Variants in VPS37A observed in about 807,000 individuals in gnomAD.
VPS37A encodes the protein vacuolar protein sorting-associated protein 37A.
In VPS37A, 30 loss-of-function variants were observed where a neutral mutation model predicts 49.8. That is an observed-to-expected ratio of 0.60 (90% CI 0.45 to 0.82). VPS37A has a LOEUF of 0.82. Among genes scored for constraint, VPS37A ranks in the 40% least tolerant of loss-of-function variants. The probability of loss-of-function intolerance (pLI) is 0.00; values close to 1 mark genes in which losing one functional copy is unlikely to be tolerated. For synonymous variants in VPS37A, 195 were observed against 160.6 expected, an observed-to-expected ratio of 1.21 and a Z score of -1.62; for missense variants, 593 against 464.4, an observed-to-expected ratio of 1.28 and a Z score of -2.55.
chr8:17,307,778 T>A, the VPS37A span, among the ~76,000 whole-genome samples: 4 of 151,080 alleles, frequency 2.6e-5, no homozygotes, highest in Non-Finnish European at 5.9e-5. Context: ...CAGCAAACTA[T>A]CGCAAGGACA....
chr8:17,300,861 G>A (rs1218725346), downstream of VPS37A, among the ~76,000 whole-genome samples: 2 of 152,134 alleles, frequency 1.3e-5, no homozygotes, highest in Admixed American at 6.6e-5. Flanking sequence ...AAATTGAATG[G>A]AATCATACAA....
At chr8:17,288,987 T>A (rs1815888115) in intron 11 of VPS37A, among the ~76,000 whole-genome samples, 2 of 152,230 alleles carry the variant, frequency 1.3e-5, no homozygotes, top group South Asian at 4.1e-4. Flanking sequence ...TGAGCTTTTT[T>A]TCATGTTGGT....
At chr8:17,257,180 A>T (rs1812543600) in intron 1 of VPS37A, among the ~76,000 whole-genome samples, 1 of 152,192 alleles carries the variant, frequency 6.6e-6, no homozygotes, top group Admixed American at 6.5e-5. Flanking sequence ...TATTGAAAAC[A>T]TCATCCTTTC....
intron 5 of VPS37A, 73 bp downstream of exon 5, chr8:17,275,031 C>T (rs547025877): frequency 1.5e-6 from 2 of 1,346,514 alleles, no homozygotes; most frequent in African/African-American, 1.4e-5. Flanking sequence ...TATTACATGC[C>T]TCTGTGTGCC....
At chr8:17,332,527 T>G in the VPS37A span, among the ~76,000 whole-genome samples, 9 of 152,150 alleles carry the variant, frequency 5.9e-5, no homozygotes. Context: ...CTCTGAGGCT[T>G]ACGATGGGGT....
At position 17,247,216 on chromosome 8, in the gene VPS37A, A is replaced by G; in HGVS notation, c.-29A>G. The G allele has an allele frequency of 6.4e-7, 1 of 1,562,522 alleles. No homozygotes were observed. Among genetic ancestry groups the G allele is most frequent in the Non-Finnish European group, 8.7e-7 (1 of 1,153,348 alleles). Reference sequence around the variant, plus strand: ...TGGGAGAAGCAGGCCAGAGCCTTCCAGGGCCTCCGGCCCGTGGACCCGAGG... The same window carrying G: ...TGGGAGAAGCAGGCCAGAGCCTTCCGGGGCCTCCGGCCCGTGGACCCGAGG... On this transcript the variant is annotated 5_prime_UTR_variant, in exon 1 of 12. Transcript: ENST00000324849.
chr8:17,319,755 C>T, the VPS37A span, among the ~76,000 whole-genome samples: 10 of 152,248 alleles, frequency 6.6e-5, no homozygotes, highest in South Asian at 4.1e-4. Context: ...CGTGGTGAGA[C>T]GAGGCTCCAG....
At chr8:17,307,671 T>C in the VPS37A span, among the ~76,000 whole-genome samples, 1 of 152,052 alleles carries the variant, frequency 6.6e-6, no homozygotes, top group Non-Finnish European at 1.5e-5. Flanking sequence ...ATTAAGAAAA[T>C]GTGGCACATA....
At chr8:17,280,552 GA>G in intron 9 of VPS37A, 109 bp downstream of exon 9, 1 of 953,498 alleles carries the variant, frequency 1.0e-6, no homozygotes, top group South Asian at 1.9e-5. Context: ...TGAGGTATCT[GA>G]CCTTATAAGA....
chr8:17,328,709 T>A, the VPS37A span, among the ~76,000 whole-genome samples: 1 of 152,120 alleles, frequency 6.6e-6, no homozygotes, highest in Non-Finnish European at 1.5e-5. Flanking sequence ...CCCCAGAACT[T>A]AAAAATTTTA....
At chr8:17,328,410 G>A in the VPS37A span, among the ~76,000 whole-genome samples, 7 of 152,060 alleles carry the variant, frequency 4.6e-5, no homozygotes, top group Middle Eastern at 3.2e-3. Context: ...GCTCTTCTAC[G>A]GACTGTTTTA....
intron 1 of VPS37A, among the ~76,000 whole-genome samples, chr8:17,254,860 A>G (rs990224761): frequency 1.3e-5 from 2 of 152,312 alleles, no homozygotes; most frequent in East Asian, 3.9e-4. Flanking sequence ...TGATTTTTTT[A>G]TCTAAATCAT....
chr8:17,279,455 A>G (rs968224786), intron 6 of VPS37A, among the ~76,000 whole-genome samples: 2 of 152,148 alleles, frequency 1.3e-5, no homozygotes, highest in Non-Finnish European at 1.5e-5. Context: ...ACTTGTCTGA[A>G]TTTACTATAG....
downstream of VPS37A, chr8:17,299,297 GA>G (rs1347399511): frequency 2.0e-5 from 3 of 152,266 alleles, no homozygotes; most frequent in Admixed American, 2.0e-4. Flanking sequence ...ATGCTCCAAG[GA>G]AAAGTTAAAG....
chr8:17,317,610 G>C, the VPS37A span, among the ~76,000 whole-genome samples: 2 of 152,172 alleles, frequency 1.3e-5, no homozygotes, highest in African/African-American at 2.4e-5. Flanking sequence ...TGGAAGTGTG[G>C]AAAGAGGCTT....
the VPS37A span, among the ~76,000 whole-genome samples, chr8:17,328,003 A>C: frequency 3.4e-3 from 523 of 152,328 alleles, 4 homozygotes; most frequent in African/African-American, 0.012. Flanking sequence ...GCAGTTGCTC[A>C]ATTTTTAGTT....
At chr8:17,309,359 G>C in the VPS37A span, 1 of 1,406,356 alleles carries the variant, frequency 7.1e-7, no homozygotes, top group East Asian at 2.3e-5. Flanking sequence ...ATCTTGGAGA[G>C]AAGCAAACGA....
At position 17,265,716 on chromosome 8, in the gene VPS37A, C is replaced by T. The variant is rs542972465; in HGVS notation, c.126-191C>T. 6 of 1,452,024 alleles carry T rather than the reference C, an allele frequency of 4.1e-6. No individual in the cohort carries two copies. The African/African-American group carries it at 4.2e-5, about 10-fold the overall frequency. The allele number at this position is 1,452,024 out of a possible 1,614,324, so 89.9% of individuals were successfully genotyped here. A position where few individuals can be genotyped will look rare whatever the true frequency, so the allele number is the denominator to read the frequency against. On this transcript the variant is annotated intron_variant, in intron 1 of 11. Transcript: ENST00000324849. The stretch of plus-strand genomic sequence containing the variant: ...TTCCCCTGGATAGTTTAGAATGTTA[C>T]TGTGTGCTTAGATGATGAGCCTTTC...
the VPS37A span, chr8:17,309,159 T>C: frequency 1.4e-6 from 1 of 692,098 alleles, no homozygotes; most frequent in Non-Finnish European, 2.5e-6. Context: ...ATTTAAGCTT[T>C]CTGAATAAGA....
Sources: allele counts gnomAD v4.1 joint callset (sites outside exome capture counted in the v4.1 genomes callset), GRCh38; gene constraint gnomAD v4.1.1; transcripts MANE v1.5; gene names NCBI Gene and HGNC (gene_info 2026-07-23, HGNC 2026-07-21).